MAP2K1: variants seen among roughly 807,000 people sequenced by gnomAD.
The protein encoded by MAP2K1 is dual specificity mitogen-activated protein kinase kinase 1.
Under a neutral mutation model 46.3 loss-of-function variants are expected in MAP2K1, and 16 were observed. The observed-to-expected ratio is 0.35, with a 90% CI of 0.23 to 0.52. MAP2K1 has a LOEUF of 0.52. Ranked by LOEUF, MAP2K1 falls within the 20% of genes least tolerant of loss-of-function variation. MAP2K1 has a pLI of 0.94. For synonymous variants in MAP2K1, 183 were observed against 185.6 expected, an observed-to-expected ratio of 0.99 and a Z score of 0.11; for missense variants, 263 against 497.1, an observed-to-expected ratio of 0.53 and a Z score of 4.48.
intron 5 of MAP2K1, among the ~76,000 whole-genome samples, chr15:66,470,814 A>G (rs1389228305): frequency 2.6e-5 from 4 of 152,214 alleles, no homozygotes; most frequent in Admixed American, 1.3e-4. Context: ...TTATTTTGCC[A>G]AGGTTGAGGA....
At chr15:66,392,579 G>A (rs371821664) in intron 1 of MAP2K1, among the ~76,000 whole-genome samples, 3 of 144,720 alleles carry the variant, frequency 2.1e-5, no homozygotes, top group East Asian at 4.0e-4. Flanking sequence ...TTGAGATGGA[G>A]TTTTGCTCTT....
chr15:66,460,227 T>C (rs1717768796), intron 5 of MAP2K1, among the ~76,000 whole-genome samples: 2 of 152,200 alleles, frequency 1.3e-5, no homozygotes, highest in South Asian at 4.1e-4. Flanking sequence ...GGTCTCTTGG[T>C]TAGAAATGTG....
At chr15:66,481,912 T>C in intron 6 of MAP2K1, 33 bp downstream of exon 6, 1 of 1,609,172 alleles carries the variant, frequency 6.2e-7, no homozygotes, top group Non-Finnish European at 8.5e-7. Context: ...CTTGAGCTTC[T>C]TGTACGGTCA....
At chr15:66,470,094 G>GTTTTTTTTT (rs55637393) in intron 5 of MAP2K1, among the ~76,000 whole-genome samples, 4 of 76,606 alleles carry the variant, frequency 5.2e-5, no homozygotes, top group Non-Finnish European at 7.2e-5. Context: ...TTTTTTTCTT[G>GTTTTTTTTT]TTTTTTTTTT....
In MAP2K1 at chr15:66,491,328, TAAATG is replaced by T. The variant is rs1259495751; in HGVS notation, c.*714_*718del. 1 of 233,710 alleles carries T rather than the reference TAAATG, an allele frequency of 4.3e-6. No homozygotes were observed. The highest frequency in any genetic ancestry group is 2.2e-5 in the African/African-American group (1 of 45,256). The allele number at this position is 233,710 out of a possible 1,614,324, so 14.5% of individuals were successfully genotyped here. On this transcript the variant is annotated 3_prime_UTR_variant, in exon 11 of 11. Coordinates refer to ENST00000307102, the MANE Select transcript of MAP2K1 (RefSeq NM_002755.4). ...TCTTTAAGTTTTGATTAATGTTTCT[TAAATG>T]GAATTATTTTGAATGTCACAAATTG...
At chr15:66,489,972 C>T in intron 10 of MAP2K1, 1 of 629,216 alleles carries the variant, frequency 1.6e-6, no homozygotes, top group Non-Finnish European at 2.8e-6. Flanking sequence ...CCTGAGTAAG[C>T]ATATGCCAGA....
intron 1 of MAP2K1, among the ~76,000 whole-genome samples, chr15:66,414,072 T>G (rs952280143): frequency 6.6e-6 from 1 of 152,080 alleles, no homozygotes; most frequent in Non-Finnish European, 1.5e-5. Context: ...TTCTGGCCTA[T>G]CTGGTCAGCC....
chr15:66,470,611 T>G (rs1036194346), intron 5 of MAP2K1, among the ~76,000 whole-genome samples: 4 of 152,170 alleles, frequency 2.6e-5, no homozygotes, highest in African/African-American at 9.7e-5. Context: ...AGATCGGGGA[T>G]TCTCTGGAGG....
chr15:66,452,307 A>AAAG (rs1476089879), intron 5 of MAP2K1, among the ~76,000 whole-genome samples: 1 of 148,826 alleles, frequency 6.7e-6, no homozygotes, highest in African/African-American at 2.5e-5. Context: ...AAAAAAAGAA[A>AAAG]AAAAAAAGCT....
chr15:66,414,712 A>G (rs1197307053), intron 1 of MAP2K1, among the ~76,000 whole-genome samples: 3 of 151,642 alleles, frequency 2.0e-5, no homozygotes, highest in Admixed American at 6.6e-5. Flanking sequence ...GCTGTATTAC[A>G]TGGCTCAGAG....
intron 5 of MAP2K1, chr15:66,446,721 T>C (rs371238103): frequency 1.1e-5 from 4 of 357,346 alleles, no homozygotes; most frequent in East Asian, 1.5e-4. Context: ...CCTGCTCCCA[T>C]TGGTTCCGGA....
intron 2 of MAP2K1, 49 bp from the exon 3 acceptor site, chr15:66,436,697 T>TC (rs747647598): frequency 1.4e-4 from 213 of 1,559,754 alleles, no homozygotes; most frequent in Non-Finnish European, 1.8e-4. Context: ...TTTCATCCCT[T>TC]CCTCCCTCTT....
At chr15:66,438,221 G>A (rs1320781620) in intron 3 of MAP2K1, among the ~76,000 whole-genome samples, 1 of 151,404 alleles carries the variant, frequency 6.6e-6, no homozygotes, top group Non-Finnish European at 1.5e-5. Flanking sequence ...AGAGTAGCTG[G>A]GATTACAGGT....
At position 66,460,433 on chromosome 15, in the gene MAP2K1, G is replaced by A. The variant is rs541844243; in HGVS notation, c.568+15726G>A. On this transcript the variant is annotated intron_variant, in intron 5 of 10. Transcript: ENST00000307102. ...GCAGGGTCAGGGAAAGGAATTCCAG[G>A]TAGAGGGAAGCATGAATCATGGCAT... 1.2e-4 allele frequency among the ~76,000 whole-genome samples: 18 copies of A among 152,312 alleles called. No homozygotes were observed. The South Asian group carries it at 3.3e-3, about 28-fold the overall frequency.
intron 5 of MAP2K1, among the ~76,000 whole-genome samples, chr15:66,475,872 G>T (rs1892744888): frequency 6.6e-6 from 1 of 152,168 alleles, no homozygotes; most frequent in Admixed American, 6.5e-5. Context: ...GCTCAGTGCA[G>T]ATACTCTGTG....
At chr15:66,421,685 A>C (rs1310127191) in intron 1 of MAP2K1, among the ~76,000 whole-genome samples, 1 of 151,534 alleles carries the variant, frequency 6.6e-6, no homozygotes, top group Non-Finnish European at 1.5e-5. Flanking sequence ...CTGTAATCCC[A>C]GCTACTTGGG....
At chr15:66,447,615 T>TG (rs909009499) in intron 5 of MAP2K1, among the ~76,000 whole-genome samples, 11 of 146,526 alleles carry the variant, frequency 7.5e-5, no homozygotes, top group Non-Finnish European at 1.6e-4. Flanking sequence ...TGTTTGAACC[T>TG]GGGGGGCGGA....
chr15:66,401,888 A>T, intron 1 of MAP2K1: 8 of 897,294 alleles, frequency 8.9e-6, no homozygotes, highest in Non-Finnish European at 1.3e-5. Context: ...CAGAGAAGCC[A>T]GCAAGTAGTT....
rs1893221633 is a variant in MAP2K1 at position 66,490,567 on chromosome 15, C to T, written c.1134C>T (p.Thr378=). Residue 378 remains threonine (T), a synonymous_variant, in exon 11 of 11, where the codon ACC becomes ACT. Transcript: ENST00000307102. ...ATTTTGCAGGTTGGCTCTGCTCCACCATCGGCCTTAACCAGCCCAGCACAC... is the reference window on the plus strand; with the variant it reads ...ATTTTGCAGGTTGGCTCTGCTCCACTATCGGCCTTAACCAGCCCAGCACAC... ...EVDFAGWLCS[T]IGLNQPSTPT... is the part of the protein sequence containing the mutation. The T allele has an allele frequency of 1.2e-6, 2 of 1,614,080 alleles. No homozygotes were observed. Among genetic ancestry groups the T allele is most frequent in the Non-Finnish European group, 1.7e-6 (2 of 1,180,040 alleles).
Sources: gnomAD v4.1 joint callset for allele counts (sites outside exome capture counted in the v4.1 genomes callset) on GRCh38, gnomAD v4.1.1 for gene constraint, MANE v1.5 for transcripts, NCBI Gene and HGNC (gene_info 2026-07-23, HGNC 2026-07-21) for gene names.